Variants in BEND3 observed in about 807,000 individuals in gnomAD.
BEND3 encodes BEN domain containing 3.
A neutral mutation model predicts 60.1 loss-of-function variants in BEND3; 13 were observed. That is an observed-to-expected ratio of 0.22 (90% CI 0.14 to 0.34). The LOEUF (loss-of-function observed/expected upper bound fraction) is 0.34. BEND3 is among the 10% of genes least tolerant of loss of function. The probability of loss-of-function intolerance (pLI) is 1.00; values close to 1 mark genes in which losing one functional copy is unlikely to be tolerated. For synonymous variants in BEND3, 497 were observed against 491.5 expected (o/e 1.01, Z -0.15); for missense variants, 896 against 1,138.1 (o/e 0.79, Z 3.06).
chr6:107,069,283 C>G lies in BEND3; in HGVS notation c.1908G>C (p.Val636=). 1 of 1,612,360 alleles carries G rather than the reference C, an allele frequency of 6.2e-7. No individual in the cohort carries two copies. The change falls in exon 4 of 4, where the codon GTG becomes GTC. Residue 636 remains valine (V), a synonymous_variant. Coordinates refer to ENST00000369042, the MANE Select transcript of BEND3 (RefSeq NM_001367314.1). The part of the protein sequence containing the change: ...KNDRVWTLEF[V]GKLDERCRRR... ...GCCGGCAGCGCTCATCCAGTTTGCCCACGAACTCCAGGGTCCAGACGCGGT... is the reference window on the plus strand; with the variant it reads ...GCCGGCAGCGCTCATCCAGTTTGCCGACGAACTCCAGGGTCCAGACGCGGT...
In BEND3 at chr6:107,094,963, GGT is replaced by G. The variant is rs1491486948; in HGVS notation, c.240+3586_240+3587del. On this transcript the variant is annotated intron_variant, in intron 3 of 3. Coordinates refer to ENST00000369042, the MANE Select transcript of BEND3 (RefSeq NM_001367314.1). The stretch of plus-strand genomic sequence containing the variant: ...AGCCTCCCGAGTAGCTGGGACTACA[GGT>G]GTGTGCCACCACGCCTGGATAATTT... Among the ~76,000 whole-genome samples the G allele has an allele frequency of 9.2e-5, 14 of 151,986 alleles. No homozygotes were observed. The South Asian group carries it at 1.9e-3, about 20-fold the overall frequency.
intron 3 of BEND3, among the ~76,000 whole-genome samples, chr6:107,084,406 T>C (rs574996546): frequency 6.6e-6 from 1 of 152,378 alleles, no homozygotes; most frequent in South Asian, 2.1e-4. Context: ...AGCTAGAGGA[T>C]TGTAAACACA....
intron 3 of BEND3, among the ~76,000 whole-genome samples, chr6:107,076,118 T>C (rs187228093): frequency 2.2e-4 from 34 of 152,344 alleles, no homozygotes; most frequent in Non-Finnish European, 1.5e-5. Context: ...AGAAACTTCT[T>C]AGATACTCCC....
chr6:107,084,510 A>C (rs1454571798), intron 3 of BEND3, among the ~76,000 whole-genome samples: 1 of 151,616 alleles, frequency 6.6e-6, no homozygotes, highest in Non-Finnish European at 1.5e-5. Flanking sequence ...AAAACGCACC[A>C]ATCAGCACTC....
intron 3 of BEND3, among the ~76,000 whole-genome samples, chr6:107,074,369 C>G (rs1391961788): frequency 6.6e-6 from 1 of 152,068 alleles, no homozygotes; most frequent in Non-Finnish European, 1.5e-5. Context: ...GAGCCAAGAT[C>G]GTGCCACTGC....
At chr6:107,114,985 G>T (rs1249084862) in intron 1 of BEND3, 105 bp downstream of exon 1, 1 of 139,528 alleles carries the variant, frequency 7.2e-6, no homozygotes, top group Non-Finnish European at 1.6e-5. Flanking sequence ...CCCTGCTCCC[G>T]CCCCCACCCC....
intron 3 of BEND3, among the ~76,000 whole-genome samples, chr6:107,093,659 A>G (rs1554235560): frequency 6.6e-6 from 1 of 152,218 alleles, no homozygotes; most frequent in Non-Finnish European, 1.5e-5. Flanking sequence ...TCTTTTCAAC[A>G]TATTTTACTG....
In BEND3 at chr6:107,102,318, T is replaced by C. The variant is rs1775719034; in HGVS notation, c.-11-3022A>G. Among the ~76,000 whole-genome samples, 3 of 152,188 alleles carry C rather than the reference T, an allele frequency of 2.0e-5. No individual in the cohort carries two copies. The South Asian group carries it at 6.2e-4, about 32-fold the overall frequency. On this transcript the variant is annotated intron_variant, in intron 1 of 3. Transcript: ENST00000369042. ...CTTGGTGAGCAGAAAACCTATTTTC[T>C]GATTTTTTATTTTTCCTTGTTTCCA...
In BEND3 at chr6:107,093,385, C is replaced by T. The variant is rs543564031; in HGVS notation, c.240+5166G>A. On this transcript the variant is annotated intron_variant, in intron 3 of 3. Coordinates refer to ENST00000369042, the MANE Select transcript of BEND3 (RefSeq NM_001367314.1). ...CTGAGGCAGGAGAATGGTGTGAACC[C>T]GGGAGGCGGAGCTTGCAGTGAGCCA... Among the ~76,000 whole-genome samples the T allele has an allele frequency of 6.3e-4, 95 of 151,698 alleles. 2 individuals carry two copies. In the South Asian group the frequency reaches 0.015, roughly 24 times the overall value.
intron 3 of BEND3, among the ~76,000 whole-genome samples, chr6:107,084,651 C>T (rs972910518): frequency 4.0e-5 from 6 of 151,734 alleles, no homozygotes; most frequent in South Asian, 2.1e-4. Context: ...GGACTGTACA[C>T]GCACCAATCA....
At chr6:107,098,799 C>T (rs781894645) in intron 2 of BEND3, 46 bp from the exon 3 acceptor site, 3 of 1,542,084 alleles carry the variant, frequency 1.9e-6, no homozygotes, top group East Asian at 4.5e-5. Flanking sequence ...ACCAGGGCTG[C>T]TCAGAGATCA....
rs1455642436 is a variant in BEND3, at chr6:107,068,962, G to A, written c.2229C>T (p.Leu743=). The A allele has an allele frequency of 1.9e-6, 3 of 1,613,732 alleles. No homozygotes were observed. Among genetic ancestry groups the A allele is most frequent in the Non-Finnish European group, 1.7e-6 (2 of 1,180,032 alleles). The change falls in exon 4 of 4, where the codon CTC becomes CTT. Residue 743 remains leucine (L), a synonymous_variant. Transcript: ENST00000369042. This position sits in a 1 kb window ranked among gnomAD's most constrained non-coding sequence, Gnocchi z 5.8. Reference sequence around the variant, plus strand: ...AGAGTTCGGGAAACAGGCGGACGAGGAGCCGGGCGGCAAAGTTGCCCACGG... The same window carrying A: ...AGAGTTCGGGAAACAGGCGGACGAGAAGCCGGGCGGCAAAGTTGCCCACGG... ...SLSVGNFAAR[L]LVRLFPELFT...
At chr6:107,110,036 A>G (rs1554238153) in intron 1 of BEND3, among the ~76,000 whole-genome samples, 1 of 131,570 alleles carries the variant, frequency 7.6e-6, no homozygotes, top group Non-Finnish European at 1.7e-5. Context: ...GACTCAAAAA[A>G]AAAAAAAAAA....
chr6:107,069,801 C>G lies in BEND3; in HGVS notation c.1390G>C (p.Glu464Gln), dbSNP rs1454299647. Reference sequence around the variant, plus strand: ...CACTGCTGCAGCCAGGCCTCCTCCTCCTGCATGTCAGGGAAGTAGATCTCC... The same window carrying G: ...CACTGCTGCAGCCAGGCCTCCTCCTGCTGCATGTCAGGGAAGTAGATCTCC... Reference protein sequence around the residue: ...YTEIYFPDMQEEEAWLQQCAQ... With the variant: ...YTEIYFPDMQQEEAWLQQCAQ... Residue 464 changes from glutamate (E) to glutamine (Q), a missense_variant, in exon 4 of 4, where the codon GAG (glutamate) becomes CAG (glutamine). This residue lies in a region of BEND3 where 846 missense variants were observed against 1,036.7 expected (regional missense o/e 0.82). Coordinates refer to ENST00000369042, the MANE Select transcript of BEND3 (RefSeq NM_001367314.1). 1 of 1,613,224 alleles carries G rather than the reference C, an allele frequency of 6.2e-7. No individual in the cohort carries two copies. The highest frequency in any genetic ancestry group is 8.5e-7 in the Non-Finnish European group (1 of 1,179,966).
intron 1 of BEND3, among the ~76,000 whole-genome samples, chr6:107,111,091 G>T (rs1770070817): frequency 6.6e-6 from 1 of 152,102 alleles, no homozygotes; most frequent in Non-Finnish European, 1.5e-5. Context: ...CTTGAGCCCG[G>T]GAGTCAGTGG....
chr6:107,070,791 T>C lies in BEND3; in HGVS notation c.400A>G (p.Ile134Val), dbSNP rs553184747. 6.2e-7 allele frequency: 1 copy of C among 1,614,146 alleles called. No homozygotes were observed. The highest frequency in any genetic ancestry group is 1.1e-5 in the South Asian group (1 of 91,078). ...TTCTTCTCCATGATCTTGTGCGAGA[T>C]GCCATACAGAGGCTTCTTGTAGGAA... The part of the protein sequence containing the change: ...TPSYKKPLYG[I>V]SHKIMEKKNP... Residue 134 changes from isoleucine to valine, a missense_variant, in exon 4 of 4, where the codon ATC becomes GTC. By Grantham distance (29) the Ile-to-Val change is conservative (BLOSUM62 3). Coordinates refer to ENST00000369042, the MANE Select transcript of BEND3 (RefSeq NM_001367314.1). This position sits in a 1 kb window ranked among gnomAD's most constrained non-coding sequence, Gnocchi z 6.9.
At chr6:107,114,020 C>G (rs145719674) in intron 1 of BEND3, 1 of 152,372 alleles carries the variant, frequency 6.6e-6, no homozygotes, top group African/African-American at 2.4e-5. Context: ...CCTTGTTCCT[C>G]CCGGCACTCT....
chr6:107,105,550 C>T (rs1775795685), intron 1 of BEND3, among the ~76,000 whole-genome samples: 1 of 152,032 alleles, frequency 6.6e-6, no homozygotes. Context: ...CTATCAAGTT[C>T]TTTGAATAGT....
chr6:107,087,272 T>C (rs868946059), intron 3 of BEND3, among the ~76,000 whole-genome samples: 2 of 151,316 alleles, frequency 1.3e-5, no homozygotes, highest in East Asian at 2.0e-4. Flanking sequence ...TGAGCAGAGA[T>C]TGCGCCTCTG....
Sources: gnomAD v4.1 joint callset for allele counts (sites outside exome capture counted in the v4.1 genomes callset) on GRCh38, gnomAD v4.1.1 for gene constraint, gnomAD v4.1.1 regional missense constraint, Gnocchi (gnomAD v3.1) non-coding constraint, MANE v1.5 for transcripts, NCBI Gene and HGNC (gene_info 2026-07-23, HGNC 2026-07-21) for gene names.